Variants in ACIN1 observed in about 807,000 individuals in gnomAD.
The protein encoded by ACIN1 is apoptotic chromatin condensation inducer in the nucleus.
In ACIN1, 16 loss-of-function variants were observed where a neutral mutation model predicts 146.6. The ratio of observed to expected loss-of-function variants is 0.11; its 90% CI spans 0.07 to 0.17. The LOEUF is 0.17. ACIN1 is among the 10% of genes least tolerant of loss of function. The pLI is 1.00. For synonymous variants in ACIN1, 569 were observed against 582.7 expected (o/e 0.98, Z 0.34); for missense variants, 1,357 against 1,609.3 (o/e 0.84, Z 2.68).
rs2047489293 is a variant in ACIN1 at position 23,067,276 on chromosome 14, C to T, written c.2266-1268G>A. 1.0e-6 allele frequency: 1 copy of T among 982,638 alleles called. No homozygotes were observed. The highest frequency in any genetic ancestry group is 1.2e-6 in the Non-Finnish European group (1 of 827,370). 60.9% of individuals were successfully genotyped at this position (982,638 alleles called of 1,614,324 possible). On this transcript the variant is annotated intron_variant, in intron 9 of 18. Transcript: ENST00000605057. The surrounding 1 kb of genome is among the most constrained non-coding windows in gnomAD (Gnocchi z 4.6). The stretch of plus-strand genomic sequence containing the variant: ...AGAAGAAAATAAAGAAGAAAATAAA[C>T]TAGGAATATGACAAATGTTCCAGGT...
At chr14:23,062,657 G>A in intron 14 of ACIN1, 134 bp from the exon 15 acceptor site, 1 of 868,354 alleles carries the variant, frequency 1.2e-6, no homozygotes, top group Non-Finnish European at 1.8e-6. Context: ...GAACCTTGCA[G>A]TAAGAATGTG....
rs2047732028 is a variant in ACIN1 at position 23,073,939 on chromosome 14, C to T, written c.2123+4212G>A. 2.0e-5 allele frequency among the ~76,000 whole-genome samples: 3 copies of T among 150,714 alleles called. No homozygotes were observed. The South Asian group carries it at 6.3e-4, about 32-fold the overall frequency. ...CTGCAAGCTCCGCCTCCGGGGTTCA[C>T]ACCATTCTCCTGCCTCAGCCTCCCG... On this transcript the variant is annotated intron_variant, in intron 8 of 18. Coordinates refer to ENST00000605057, the MANE Select transcript of ACIN1 (RefSeq NM_001386863.1).
At chr14:23,069,005 C>G (rs140549989) in intron 9 of ACIN1, 16 of 985,874 alleles carry the variant, frequency 1.6e-5, no homozygotes, top group Non-Finnish European at 1.9e-5. Context: ...GTAGCTACAT[C>G]TCTGCAGTCA....
At chr14:23,061,971 C>CAAAAAAAAAAAAAAAAAAAAAAA (rs57962360) in intron 16 of ACIN1, among the ~76,000 whole-genome samples, 197 bp downstream of exon 16, 6 of 59,130 alleles carry the variant, frequency 1.0e-4, no homozygotes, top group African/African-American at 4.4e-4. Context: ...GACTCTGTCT[C>CAAAAAAAAAAAAAAAAAAAAAAA]AAAAAAAAAA....
Position 23,093,701 on chromosome 14 carries a change from T to C in ACIN1, c.139-157A>G, listed in dbSNP as rs192354506. ...GGACCTGAAAACCCTTTACTAACAC[T>C]GTTCTCATTCATCTTCAGAAGACCC... is the stretch of plus-strand genomic sequence containing the variant. On this transcript the variant is annotated intron_variant, in intron 1 of 18. Transcript: ENST00000605057. Among the ~76,000 whole-genome samples, 34 of 152,326 alleles carry C rather than the reference T, an allele frequency of 2.2e-4. 1 individual carries two copies. Among genetic ancestry groups the C allele is most frequent in the Admixed American group, 7.2e-4 (11 of 15,306 alleles).
chr14:23,062,338 A>T, intron 15 of ACIN1, 63 bp from the exon 16 acceptor site: 1 of 1,599,232 alleles, frequency 6.3e-7, no homozygotes, highest in Non-Finnish European at 8.6e-7. Context: ...CACGTGCTGC[A>T]ACACCCTTAA....
chr14:23,083,229 G>A (rs576007174), intron 4 of ACIN1, among the ~76,000 whole-genome samples: 2 of 151,660 alleles, frequency 1.3e-5, no homozygotes. Context: ...TTTTTAGACA[G>A]TGTTTTACTC....
At chr14:23,059,689 G>C (rs1292612287) in intron 18 of ACIN1, among the ~76,000 whole-genome samples, 3 of 145,406 alleles carry the variant, frequency 2.1e-5, no homozygotes, top group Admixed American at 7.0e-5. Flanking sequence ...GTCTCGCTCC[G>C]TCGCCCAGGC....
chr14:23,079,066 GA>G (rs2047874838), intron 6 of ACIN1, 28 bp from the exon 7 acceptor site: 24 of 1,596,312 alleles, frequency 1.5e-5, no homozygotes, highest in Non-Finnish European at 2.0e-5. Flanking sequence ...ACATAACAAG[GA>G]AAATTATTGT....
intron 9 of ACIN1, 108 bp downstream of exon 9, chr14:23,069,368 C>A: frequency 6.7e-7 from 1 of 1,486,792 alleles, no homozygotes; most frequent in South Asian, 1.4e-5. Flanking sequence ...CCTGCCTCAT[C>A]CCTCCTTTAA....
intron 4 of ACIN1, among the ~76,000 whole-genome samples, chr14:23,087,242 A>G (rs1233884740): frequency 6.6e-6 from 1 of 152,200 alleles, no homozygotes; most frequent in African/African-American, 2.4e-5. Flanking sequence ...TGATTCAACT[A>G]AGCACTGATA....
intron 5 of ACIN1, 55 bp from the exon 6 acceptor site, chr14:23,080,864 G>A: frequency 6.5e-7 from 1 of 1,529,752 alleles, no homozygotes; most frequent in Non-Finnish European, 8.8e-7. Flanking sequence ...GTCAACAGAG[G>A]AGAGAAAGTA....
At chr14:23,063,708 G>C (rs565479122) in intron 12 of ACIN1, 131 bp from the exon 13 acceptor site, 1 of 1,074,318 alleles carries the variant, frequency 9.3e-7, no homozygotes, top group Non-Finnish European at 1.3e-6. Flanking sequence ...TTTCGTTATC[G>C]GCTCACTTCT....
chr14:23,059,956 G>GTTT (rs397830741), intron 18 of ACIN1, among the ~76,000 whole-genome samples: 1,120 of 100,068 alleles, frequency 0.011, 51 homozygotes, highest in African/African-American at 0.024. Flanking sequence ...CGCCCCGCCA[G>GTTT]TTTTTTTTTT....
At chr14:23,063,902 C>T (rs750204497) in intron 12 of ACIN1, among the ~76,000 whole-genome samples, 1 of 152,210 alleles carries the variant, frequency 6.6e-6, no homozygotes, top group Admixed American at 6.5e-5. Context: ...TGAATGAACT[C>T]GTGTGGTTGT....
In ACIN1 at chr14:23,071,361, AGGT is replaced by A. The variant is rs1183100833; in HGVS notation, c.2124-1747_2124-1745del. 7.2e-6 allele frequency: 11 copies of A among 1,531,578 alleles called. No individual in the cohort carries two copies. The Middle Eastern group carries it at 5.2e-4, about 73-fold the overall frequency. The allele number at this position is 1,531,578 out of a possible 1,614,324, so 94.9% of individuals were successfully genotyped here. ...TCCAAAAAATGGTAAATGGAAGGGG[AGGT>A]GGTGGTGGTGCGGGGAGGCTAAAAC... On this transcript the variant is annotated intron_variant, in intron 8 of 18. Transcript: ENST00000605057.
At position 23,080,402 on chromosome 14, in the gene ACIN1, C is replaced by T. The variant is rs373895789; in HGVS notation, c.933G>A (p.Glu311=). ...GTGAAGATTTTATTTCTCTTTCTTC[C>T]TCCTCAAGGGGAGATGTTGTTTTCA... The part of the protein sequence containing the change: ...KEMKTTSPLE[E]EEREIKSSQG... The change falls in exon 6 of 19, where the codon GAG becomes GAA. Residue 311 remains glutamate (E), a synonymous_variant. Transcript: ENST00000605057. The T allele has an allele frequency of 1.2e-6, 2 of 1,614,022 alleles. No individual in the cohort carries two copies. Among genetic ancestry groups the T allele is most frequent in the Non-Finnish European group, 8.5e-7 (1 of 1,180,018 alleles).
chr14:23,070,807 CAAG>C (rs1386844969), intron 8 of ACIN1, among the ~76,000 whole-genome samples: 2 of 152,052 alleles, frequency 1.3e-5, no homozygotes, highest in African/African-American at 4.8e-5. Flanking sequence ...CTAGAGCAGT[CAAG>C]AAGGGATGCA....
In ACIN1 at chr14:23,068,801, C is replaced by T. The variant is rs1594753733; in HGVS notation, c.2265+675G>A. ...GCTACACACACAACAGTCCCTCCCACCTTGTTACCCCTCTCCTAAACCCAG... is the reference window on the plus strand; with the variant it reads ...GCTACACACACAACAGTCCCTCCCATCTTGTTACCCCTCTCCTAAACCCAG... On this transcript the variant is annotated intron_variant, in intron 9 of 18. Coordinates refer to ENST00000605057, the MANE Select transcript of ACIN1 (RefSeq NM_001386863.1). This position sits in a 1 kb window ranked among gnomAD's most constrained non-coding sequence, Gnocchi z 4.3. 1.0e-6 allele frequency: 1 copy of T among 985,450 alleles called. No homozygotes were observed. The allele number at this position is 985,450 out of a possible 1,614,324, so 61.0% of individuals were successfully genotyped here. A position where few individuals can be genotyped will look rare whatever the true frequency, so the allele number is the denominator to read the frequency against.
Sources: allele counts gnomAD v4.1 joint callset (sites outside exome capture counted in the v4.1 genomes callset), GRCh38; gene constraint gnomAD v4.1.1; non-coding constraint Gnocchi (gnomAD v3.1); transcripts MANE v1.5; gene names NCBI Gene and HGNC (gene_info 2026-07-23, HGNC 2026-07-21).